The following GPHN variants were observed in gnomAD, a reference collection of about 807,000 sequenced individuals.
GPHN encodes the protein gephyrin.
GPHN carries 17 observed loss-of-function variants against 95.5 expected under a neutral mutation model. That is an observed-to-expected ratio of 0.18 (90% confidence interval 0.12 to 0.27). The LOEUF (loss-of-function observed/expected upper bound fraction) is 0.27, where lower values mean the gene tolerates loss of function less well. Ranked by LOEUF, GPHN falls within the 10% of genes least tolerant of loss-of-function variation. GPHN has a pLI of 1.00. For missense variants in GPHN, 660 were observed against 978.1 expected, an observed-to-expected ratio of 0.67 and a Z score of 4.34; for synonymous variants, 320 against 322.5, an observed-to-expected ratio of 0.99 and a Z score of 0.08.
chr14:67,047,473 C>T (rs1438981001), intron 10 of GPHN, among the ~76,000 whole-genome samples: 2 of 150,612 alleles, frequency 1.3e-5, no homozygotes, highest in African/African-American at 2.4e-5. Context: ...TCAAGGAATT[C>T]TCGTGCCTCA....
chr14:67,185,362 GAGA>G (rs1303267327), downstream of GPHN, among the ~76,000 whole-genome samples: 2 of 152,186 alleles, frequency 1.3e-5, no homozygotes, highest in Non-Finnish European at 2.9e-5. Flanking sequence ...TTAGAAAAGG[GAGA>G]AGATGTGAAC....
chr14:67,519,249 A>G, the GPHN span, among the ~76,000 whole-genome samples: 4 of 152,256 alleles, frequency 2.6e-5, no homozygotes, highest in Non-Finnish European at 5.9e-5. Flanking sequence ...AACTTTAGCT[A>G]TCTTAAGTCT....
chr14:67,527,774 G>C, the GPHN span, among the ~76,000 whole-genome samples: 1 of 152,326 alleles, frequency 6.6e-6, no homozygotes. Flanking sequence ...TTACAGTTAG[G>C]TGAGGCACAA....
At chr14:67,221,740 T>A in the GPHN span, 3 of 1,610,234 alleles carry the variant, frequency 1.9e-6, no homozygotes, top group South Asian at 3.3e-5. Context: ...TTTGTGGTTA[T>A]GCTGGCAAAT....
chr14:66,843,790 T>A (rs997694350), intron 4 of GPHN, among the ~76,000 whole-genome samples: 1 of 152,198 alleles, frequency 6.6e-6, no homozygotes. Context: ...TCCTTTCTGC[T>A]TTTTTATACA....
At chr14:66,747,559 C>T (rs1408380334) in intron 2 of GPHN, among the ~76,000 whole-genome samples, 1 of 151,556 alleles carries the variant, frequency 6.6e-6, no homozygotes, top group Admixed American at 6.6e-5. Flanking sequence ...ATAGGCAGAG[C>T]TCCTTCTCAG....
the GPHN span, chr14:67,388,128 C>T: frequency 1.0e-5 from 8 of 769,118 alleles, no homozygotes; most frequent in African/African-American, 1.7e-5. Context: ...AAGCCCTGCT[C>T]GGCTCCCAAA....
chr14:67,022,856 A>G (rs1370168065), intron 9 of GPHN, among the ~76,000 whole-genome samples: 2 of 151,966 alleles, frequency 1.3e-5, no homozygotes, highest in Non-Finnish European at 2.9e-5. Flanking sequence ...TTTTGAAATT[A>G]ACAACATGTT....
chr14:66,831,734 C>G (rs2061587289), intron 4 of GPHN, among the ~76,000 whole-genome samples: 1 of 152,190 alleles, frequency 6.6e-6, no homozygotes, highest in South Asian at 2.1e-4. Context: ...CTACCTACAT[C>G]TCAAAATTGT....
At chr14:67,378,314 CTTTTTTTTTTT>C in the GPHN span, among the ~76,000 whole-genome samples, 1 of 107,630 alleles carries the variant, frequency 9.3e-6, no homozygotes, top group Admixed American at 9.6e-5. Flanking sequence ...TCTCATGTGA[CTTTTTTTTTTT>C]TTTTTTTTTT....
intron 1 of GPHN, among the ~76,000 whole-genome samples, chr14:66,664,256 C>A (rs1037815584): frequency 1.3e-5 from 2 of 152,088 alleles, no homozygotes; most frequent in African/African-American, 4.8e-5. Flanking sequence ...TCAGCAAATA[C>A]AAAAGAACTG....
At chr14:67,311,704 G>T in the GPHN span, among the ~76,000 whole-genome samples, 3 of 152,164 alleles carry the variant, frequency 2.0e-5, no homozygotes, top group Non-Finnish European at 4.4e-5. Flanking sequence ...GTTACTACCT[G>T]CCCTTAATGC....
rs189875788 is a variant in GPHN at position 66,773,288 on chromosome 14, T to C, written c.144-3176T>C. ...ACCAGAAATATTAGACACAAGAAAA[T>C]AAATCACTGCCAATAATAGACTTGC... On this transcript the variant is annotated intron_variant, in intron 2 of 22. Transcript: ENST00000478722. Among the ~76,000 whole-genome samples, 4 of 151,604 alleles carry C rather than the reference T, an allele frequency of 2.6e-5. No individual in the cohort carries two copies. In the East Asian group the frequency reaches 7.7e-4, roughly 29 times the overall value.
chr14:66,901,106 A>G (rs1163738571), intron 5 of GPHN, among the ~76,000 whole-genome samples: 1 of 151,922 alleles, frequency 6.6e-6, no homozygotes, highest in African/African-American at 2.4e-5. Context: ...AATGATATCT[A>G]ATTGTAGTTT....
chr14:67,221,040 A>G, the GPHN span, among the ~76,000 whole-genome samples: 2 of 152,326 alleles, frequency 1.3e-5, no homozygotes, highest in Non-Finnish European at 2.9e-5. Flanking sequence ...TTTGGTGAAA[A>G]TTATGTGACT....
intron 3 of GPHN, among the ~76,000 whole-genome samples, chr14:66,816,225 C>G (rs371074968): frequency 3.9e-5 from 6 of 152,088 alleles, no homozygotes; most frequent in Admixed American, 3.9e-4. Flanking sequence ...CTTTAACACC[C>G]CACTGACAAT....
At chr14:66,858,591 C>A (rs2062893494) in intron 4 of GPHN, among the ~76,000 whole-genome samples, 1 of 151,946 alleles carries the variant, frequency 6.6e-6, no homozygotes, top group East Asian at 2.0e-4. Context: ...CCAGCACATT[C>A]CTAGCTTTGA....
chr14:67,385,234 A>G, the GPHN span: 3 of 152,222 alleles, frequency 2.0e-5, no homozygotes, highest in Admixed American at 6.5e-5. Flanking sequence ...ATATGAGGAC[A>G]AGGTATACAC....
chr14:67,350,062 G>A, the GPHN span, among the ~76,000 whole-genome samples: 1 of 152,204 alleles, frequency 6.6e-6, no homozygotes, highest in Admixed American at 6.5e-5. Flanking sequence ...GTTATTTGGA[G>A]AATTACATAA....
Sources: gnomAD v4.1 joint callset for allele counts (sites outside exome capture counted in the v4.1 genomes callset) on GRCh38, gnomAD v4.1.1 for gene constraint, MANE v1.5 for transcripts, NCBI Gene and HGNC (gene_info 2026-07-23, HGNC 2026-07-21) for gene names.